Variants in SNX9 observed in about 807,000 individuals in gnomAD.
SNX9 encodes sorting nexin 9.
In SNX9, 44 loss-of-function variants were observed where a neutral mutation model predicts 89.4. The ratio of observed to expected loss-of-function variants is 0.49; its 90% CI spans 0.39 to 0.63. The LOEUF (loss-of-function observed/expected upper bound fraction) is 0.63, where lower values mean the gene tolerates loss of function less well. SNX9 is among the 30% of genes least tolerant of loss of function. The pLI, the probability that SNX9 is intolerant of heterozygous loss-of-function variation, is 0.00. For missense variants in SNX9, 578 were observed against 736.1 expected, an observed-to-expected ratio of 0.79 and a Z score of 2.49; for synonymous variants, 236 against 247.8, an observed-to-expected ratio of 0.95 and a Z score of 0.45.
At chr6:157,834,149 GGTTTTTTTTTTTT>G (rs1461439826) in intron 1 of SNX9, among the ~76,000 whole-genome samples, 27 of 60,066 alleles carry the variant, frequency 4.5e-4, no homozygotes, top group African/African-American at 1.1e-3. Context: ...TGTCCACTGT[GGTTTTTTTTTTTT>G]TTTTTTTTTT....
intron 16 of SNX9, among the ~76,000 whole-genome samples, chr6:157,940,197 AG>A (rs1784009264): frequency 6.6e-6 from 1 of 152,212 alleles, no homozygotes; most frequent in South Asian, 2.1e-4. Context: ...GGAGCGGGGC[AG>A]GGACCCCAGC....
intron 1 of SNX9, among the ~76,000 whole-genome samples, chr6:157,838,409 T>C (rs1407646393): frequency 6.6e-6 from 1 of 152,180 alleles, no homozygotes; most frequent in Non-Finnish European, 1.5e-5. Context: ...ATTTACAGTC[T>C]AATGGAGAAC....
At chr6:157,864,996 T>A (rs968937816) in intron 1 of SNX9, among the ~76,000 whole-genome samples, 1 of 149,012 alleles carries the variant, frequency 6.7e-6, no homozygotes, top group Admixed American at 6.7e-5. Flanking sequence ...CACTGCACTT[T>A]AGCCTGGCGA....
chr6:157,847,340 C>T (rs979588333), intron 1 of SNX9, among the ~76,000 whole-genome samples: 10 of 152,046 alleles, frequency 6.6e-5, no homozygotes, highest in African/African-American at 1.7e-4. Context: ...TGAGCTCAAG[C>T]GATCTGCCCA....
intron 4 of SNX9, among the ~76,000 whole-genome samples, chr6:157,896,294 T>TACAAA (rs1782976164): frequency 1.3e-5 from 2 of 152,240 alleles, no homozygotes; most frequent in African/African-American, 4.8e-5. Flanking sequence ...ATGTATTCCA[T>TACAAA]TTCAAATTAA....
In SNX9 at chr6:157,907,527, G is replaced by T. The variant is rs189911625; in HGVS notation, c.705+1315G>T. Reference sequence around the variant, plus strand: ...TCTTGAACTCCTGACCTTGTGATCCGCCCACATTGGCCTCCCAAAGTGCTG... The same window carrying T: ...TCTTGAACTCCTGACCTTGTGATCCTCCCACATTGGCCTCCCAAAGTGCTG... On this transcript the variant is annotated intron_variant, in intron 7 of 17. Transcript: ENST00000392185. Among the ~76,000 whole-genome samples the T allele has an allele frequency of 3.9e-4, 60 of 152,174 alleles. No individual in the cohort carries two copies. The East Asian group carries it at 9.9e-3, about 25-fold the overall frequency.
At chr6:157,918,257 CTTTGT>C (rs1783514821) in intron 9 of SNX9, among the ~76,000 whole-genome samples, 1 of 152,170 alleles carries the variant, frequency 6.6e-6, no homozygotes, top group South Asian at 2.1e-4. Context: ...AATTCTGTCA[CTTTGT>C]TTTATGTATT....
At chr6:157,848,694 GTA>G (rs890926260) in intron 1 of SNX9, among the ~76,000 whole-genome samples, 3 of 152,208 alleles carry the variant, frequency 2.0e-5, no homozygotes, top group African/African-American at 7.2e-5. Context: ...GCTGTGTCAG[GTA>G]CTGTGCTGAG....
intron 4 of SNX9, among the ~76,000 whole-genome samples, chr6:157,887,034 CCTTG>C (rs899336188): frequency 4.6e-5 from 7 of 152,204 alleles, no homozygotes; most frequent in South Asian, 4.2e-4. Context: ...GTCATATTTT[CCTTG>C]CTTCTTTTCA....
chr6:157,936,810 G>A (rs1783934998), intron 14 of SNX9, among the ~76,000 whole-genome samples: 1 of 152,132 alleles, frequency 6.6e-6, no homozygotes, highest in South Asian at 2.1e-4. Flanking sequence ...CCCAGTTTCA[G>A]GGGCTTTTTA....
chr6:157,888,006 C>G (rs574947356), intron 4 of SNX9, among the ~76,000 whole-genome samples: 3 of 152,314 alleles, frequency 2.0e-5, no homozygotes, highest in African/African-American at 7.2e-5. Flanking sequence ...CCTCTTCTCA[C>G]AAGATGCTGT....
intron 1 of SNX9, among the ~76,000 whole-genome samples, chr6:157,851,268 A>AC (rs536811979): frequency 0.043 from 6,489 of 151,332 alleles, 367 homozygotes; most frequent in African/African-American, 0.13. Flanking sequence ...AAAAAAAAAA[A>AC]ACCCTAAAAT....
chr6:157,860,096 T>C (rs1419148581), intron 1 of SNX9, among the ~76,000 whole-genome samples: 3 of 152,192 alleles, frequency 2.0e-5, no homozygotes, highest in Non-Finnish European at 4.4e-5. Context: ...TCGAAAATAT[T>C]TACTATCTGG....
intron 2 of SNX9, among the ~76,000 whole-genome samples, chr6:157,870,965 GGA>G (rs1782396340): frequency 6.6e-6 from 1 of 152,282 alleles, no homozygotes. Flanking sequence ...TCCTGTGGAA[GGA>G]GAGAGTGAGA....
At chr6:157,827,514 C>CTT (rs1562586482) in intron 1 of SNX9, among the ~76,000 whole-genome samples, 2,025 of 7,720 alleles carry the variant, frequency 0.26, 939 homozygotes, top group Non-Finnish European at 0.3. Context: ...AATATATAAA[C>CTT]ATATAGTTTA....
intron 1 of SNX9, among the ~76,000 whole-genome samples, chr6:157,835,911 C>T (rs1008421071): frequency 4.6e-5 from 7 of 152,112 alleles, no homozygotes; most frequent in South Asian, 4.1e-4. Context: ...CACAGGCATA[C>T]ACCACCATGC....
intron 1 of SNX9, among the ~76,000 whole-genome samples, chr6:157,834,973 C>T (rs1781555793): frequency 6.6e-6 from 1 of 152,206 alleles, no homozygotes; most frequent in South Asian, 2.1e-4. Flanking sequence ...CTGTCTGAAT[C>T]ATCTAAAGCC....
At chr6:157,925,402 G>C (rs748527517) in intron 10 of SNX9, among the ~76,000 whole-genome samples, 4 of 151,984 alleles carry the variant, frequency 2.6e-5, no homozygotes, top group African/African-American at 4.8e-5. Flanking sequence ...GGGGGAAAAT[G>C]GTAAGACTAA....
In SNX9 at chr6:157,915,888, T is replaced by G. The variant is rs145886016; in HGVS notation, c.950-5643T>G. On this transcript the variant is annotated intron_variant, in intron 9 of 17. Transcript: ENST00000392185. ...GAGTTGTATTGTAAATGGTACTGTT[T>G]TTTAAATTTCCATTTTCTAGTTATG... Among the ~76,000 whole-genome samples the G allele has an allele frequency of 1.3e-3, 199 of 151,190 alleles. 1 individual carries two copies. Among genetic ancestry groups the G allele is most frequent in the African/African-American group, 4.5e-3 (187 of 41,378 alleles).
Sources: allele counts gnomAD v4.1 joint callset (sites outside exome capture counted in the v4.1 genomes callset), GRCh38; gene constraint gnomAD v4.1.1; transcripts MANE v1.5; gene names NCBI Gene and HGNC (gene_info 2026-07-23, HGNC 2026-07-21).